FRMD3: variants seen among roughly 807,000 people sequenced by gnomAD.
The protein encoded by FRMD3 is FERM domain containing 3, also known as FERM domain-containing protein 3.
FRMD3 carries 33 observed loss-of-function variants against 70.2 expected under a neutral mutation model. That is an observed-to-expected ratio of 0.47 (90% CI 0.36 to 0.63). The LOEUF (loss-of-function observed/expected upper bound fraction) is 0.63. FRMD3 is among the 20% of genes least tolerant of loss of function. FRMD3 has a pLI of 0.00. For missense variants in FRMD3, 632 were observed against 711.4 expected (o/e 0.89, Z 1.27); for synonymous variants, 279 against 255.9 (o/e 1.09, Z -0.86).
At chr9:83,575,285 T>C in the FRMD3 span, among the ~76,000 whole-genome samples, 1 of 151,842 alleles carries the variant, frequency 6.6e-6, no homozygotes, top group African/African-American at 2.4e-5. Flanking sequence ...GAACGAGGGG[T>C]TTAGTCCTAA....
chr9:83,450,700 C>T (rs1286826900), intron 1 of FRMD3, among the ~76,000 whole-genome samples: 2 of 152,126 alleles, frequency 1.3e-5, no homozygotes, highest in Non-Finnish European at 2.9e-5. Context: ...AGTCTCCATG[C>T]CACTCGCACC....
At chr9:83,394,316 T>G (rs1033532051) in intron 1 of FRMD3, among the ~76,000 whole-genome samples, 3 of 152,196 alleles carry the variant, frequency 2.0e-5, no homozygotes, top group African/African-American at 7.2e-5. Context: ...GACTCACTGA[T>G]ATGGCAAACT....
chr9:83,379,979 C>T (rs925811131), intron 2 of FRMD3, among the ~76,000 whole-genome samples: 2 of 152,162 alleles, frequency 1.3e-5, no homozygotes, highest in Non-Finnish European at 2.9e-5. Flanking sequence ...ATCCTCTACT[C>T]CCCTACAAGT....
chr9:83,427,342 T>C (rs762953055), intron 1 of FRMD3, among the ~76,000 whole-genome samples: 1 of 152,140 alleles, frequency 6.6e-6, no homozygotes, highest in Admixed American at 6.5e-5. Flanking sequence ...ACCCAAGAGG[T>C]TGGAAGGTGC....
intron 2 of FRMD3, among the ~76,000 whole-genome samples, chr9:83,386,228 G>T (rs1825507239): frequency 6.6e-6 from 1 of 152,156 alleles, no homozygotes; most frequent in Non-Finnish European, 1.5e-5. Context: ...TGAGTCCAAA[G>T]TCCTTGCAGT....
rs1292225139 is a variant in FRMD3 at position 83,260,594 on chromosome 9, T to G, written c.1196-12078A>C. ...TTCCCTTTTCACTCTCAAATAAATT[T>G]TATGATAACTTAATTATAAGTAAGC... On this transcript the variant is annotated intron_variant, in intron 13 of 13. Coordinates refer to ENST00000304195, the MANE Select transcript of FRMD3 (RefSeq NM_174938.6). Among the ~76,000 whole-genome samples, 5 of 152,164 alleles carry G rather than the reference T, an allele frequency of 3.3e-5. No homozygotes were observed. The East Asian group carries it at 9.6e-4, about 29-fold the overall frequency.
At chr9:83,569,062 A>G in the FRMD3 span, among the ~76,000 whole-genome samples, 2 of 152,146 alleles carry the variant, frequency 1.3e-5, no homozygotes, top group Non-Finnish European at 2.9e-5. Flanking sequence ...GATAGGATTA[A>G]CCCTTCAATT....
chr9:83,467,660 A>T, intron 1 of FRMD3: 1 of 1,535,344 alleles, frequency 6.5e-7, no homozygotes, highest in Non-Finnish European at 8.7e-7. Context: ...CCTTGCCAAG[A>T]CAAAAAGGAT....
intron 1 of FRMD3, among the ~76,000 whole-genome samples, chr9:83,474,097 T>A (rs1828335950): frequency 6.6e-6 from 1 of 152,210 alleles, no homozygotes; most frequent in Non-Finnish European, 1.5e-5. Context: ...TATCTATGCA[T>A]ATATATAAAT....
At chr9:83,583,664 G>A in the FRMD3 span, among the ~76,000 whole-genome samples, 3 of 152,070 alleles carry the variant, frequency 2.0e-5, no homozygotes, top group African/African-American at 7.2e-5. Context: ...GCCGGAGTGT[G>A]GTGGCCCAAT....
chr9:83,564,225 A>AAATAATAAT, the FRMD3 span, among the ~76,000 whole-genome samples: 3 of 151,640 alleles, frequency 2.0e-5, no homozygotes, highest in East Asian at 5.8e-4. Flanking sequence ...AGCCAATTTA[A>AAATAATAAT]AATAATAATA....
intron 1 of FRMD3, among the ~76,000 whole-genome samples, chr9:83,507,302 G>A (rs1271901505): frequency 4.8e-5 from 7 of 144,414 alleles, no homozygotes; most frequent in Non-Finnish European, 9.0e-5. Context: ...GGGAGGCAGA[G>A]GTTTCAGTGA....
chr9:83,520,058 G>A (rs1448010901), intron 1 of FRMD3, among the ~76,000 whole-genome samples: 1 of 152,042 alleles, frequency 6.6e-6, no homozygotes, highest in Non-Finnish European at 1.5e-5. Flanking sequence ...CGAGTTGATG[G>A]GTGCAGCAAA....
intron 13 of FRMD3, chr9:83,276,632 C>T (rs1467258272): frequency 1.3e-5 from 2 of 152,288 alleles, no homozygotes; most frequent in Middle Eastern, 3.4e-3. Context: ...AGCTATGACT[C>T]CAAAAGAGAA....
chr9:83,367,622 T>C (rs1056969964), intron 3 of FRMD3, among the ~76,000 whole-genome samples: 1 of 152,314 alleles, frequency 6.6e-6, no homozygotes, highest in African/African-American at 2.4e-5. Flanking sequence ...CTCCAGAAGA[T>C]ATTCCTAATT....
chr9:83,517,494 CAAAAAAAAAA>C (rs59178344), intron 1 of FRMD3, among the ~76,000 whole-genome samples: 1 of 65,524 alleles, frequency 1.5e-5, no homozygotes, highest in Admixed American at 2.1e-4. Flanking sequence ...CCTACCAATC[CAAAAAAAAAA>C]AAAAAAAAAA....
At chr9:83,449,989 G>A (rs899542857) in intron 1 of FRMD3, among the ~76,000 whole-genome samples, 1 of 151,954 alleles carries the variant, frequency 6.6e-6, no homozygotes, top group Non-Finnish European at 1.5e-5. Flanking sequence ...TTTTAAAAAG[G>A]CAAAGCCATA....
In FRMD3 at chr9:83,451,532, G is replaced by A. The variant is rs1827657495; in HGVS notation, c.148-61824C>T. Among the ~76,000 whole-genome samples, 8 of 152,326 alleles carry A rather than the reference G, an allele frequency of 5.3e-5. No homozygotes were observed. The South Asian group carries it at 1.7e-3, about 32-fold the overall frequency. ...GTTCAGGTGACACTGCCACACTGCA[G>A]TTTAGCCTGGGGCCAAATAGCCTGA... On this transcript the variant is annotated intron_variant, in intron 1 of 13. Coordinates refer to ENST00000304195, the MANE Select transcript of FRMD3 (RefSeq NM_174938.6).
chr9:83,463,378 G>T (rs1301098605), intron 1 of FRMD3, among the ~76,000 whole-genome samples: 1 of 152,120 alleles, frequency 6.6e-6, no homozygotes, highest in Non-Finnish European at 1.5e-5. Flanking sequence ...CCACAGGACT[G>T]GGAAGGCCTC....
Sources: allele counts gnomAD v4.1 joint callset (sites outside exome capture counted in the v4.1 genomes callset), GRCh38; gene constraint gnomAD v4.1.1; transcripts MANE v1.5; gene names NCBI Gene and HGNC (gene_info 2026-07-23, HGNC 2026-07-21).